Variants in ZNF714 observed in about 807,000 individuals in gnomAD.
ZNF714 encodes the protein zinc finger protein 714.
ZNF714 carries 32 observed loss-of-function variants against 46.2 expected under a neutral mutation model. That is an observed-to-expected ratio of 0.69 (90% CI 0.52 to 0.93). ZNF714 has a LOEUF of 0.93. ZNF714 is among the 40% of genes least tolerant of loss of function. The probability of loss-of-function intolerance (pLI) is 0.00; values close to 1 mark genes in which losing one functional copy is unlikely to be tolerated. For missense variants in ZNF714, 635 were observed against 646.3 expected, an observed-to-expected ratio of 0.98 and a Z score of 0.19; for synonymous variants, 199 against 213.1, an observed-to-expected ratio of 0.93 and a Z score of 0.58.
chr19:21,083,624 TTTAA>T (rs976246668), intron 1 of ZNF714, among the ~76,000 whole-genome samples: 1 of 152,184 alleles, frequency 6.6e-6, no homozygotes, highest in Non-Finnish European at 1.5e-5. Context: ...TATACCATAT[TTTAA>T]TTAATTATTT....
At chr19:21,116,697 T>G in intron 4 of ZNF714, 110 bp from the exon 5 acceptor site, 8 of 1,301,088 alleles carry the variant, frequency 6.1e-6, no homozygotes, top group Non-Finnish European at 8.2e-6. Context: ...GCCTGTGGTA[T>G]TTTATTATGG....
At chr19:21,094,152 G>C (rs1283810076) in intron 2 of ZNF714, among the ~76,000 whole-genome samples, 2 of 151,986 alleles carry the variant, frequency 1.3e-5, no homozygotes, top group African/African-American at 4.8e-5. Context: ...AACCACACCT[G>C]GCTAAATTTT....
rs1263900106 is a variant in ZNF714, at chr19:21,123,836, T to TTCTTTTA, written c.*5505_*5511dup. 5 of 152,334 alleles carry TTCTTTTA rather than the reference T, an allele frequency of 3.3e-5. No homozygotes were observed. Among genetic ancestry groups the TTCTTTTA allele is most frequent in the African/African-American group, 1.2e-4 (5 of 41,582 alleles). The allele number at this position is 152,334 out of a possible 1,614,324, so 9.4% of individuals were successfully genotyped here. A position where few individuals can be genotyped will look rare whatever the true frequency, so the allele number is the denominator to read the frequency against. ...AAATTTCTCTTATTTTTTATATTTT[T>TTCTTTTA]TCTTTTAGTGGGAGAAGTTTAGTCT... On this transcript the variant is annotated 3_prime_UTR_variant, in exon 5 of 5. Coordinates refer to ENST00000456283, the MANE Select transcript of ZNF714 (RefSeq NM_182515.4).
At chr19:21,111,910 C>G (rs1969457107) in intron 4 of ZNF714, among the ~76,000 whole-genome samples, 1 of 152,148 alleles carries the variant, frequency 6.6e-6, no homozygotes, top group African/African-American at 2.4e-5. Flanking sequence ...TTGAACTAGC[C>G]TTGCATCCCA....
At chr19:21,114,545 A>T (rs1599553568) in intron 4 of ZNF714, among the ~76,000 whole-genome samples, 2 of 151,706 alleles carry the variant, frequency 1.3e-5, no homozygotes, top group Admixed American at 6.6e-5. Flanking sequence ...TTGTCTTTTC[A>T]TGCGAAGTGG....
At chr19:21,096,650 A>G (rs1000772753) in intron 2 of ZNF714, among the ~76,000 whole-genome samples, 3 of 152,170 alleles carry the variant, frequency 2.0e-5, no homozygotes, top group African/African-American at 7.2e-5. Flanking sequence ...AATTCCTACC[A>G]TGAATTTATG....
intron 4 of ZNF714, among the ~76,000 whole-genome samples, chr19:21,100,572 G>A (rs1969154212): frequency 6.6e-6 from 1 of 151,894 alleles, no homozygotes; most frequent in African/African-American, 2.4e-5. Flanking sequence ...GGTTAAATTG[G>A]TTTTCAGAAA....
At position 21,098,223 on chromosome 19, in the gene ZNF714, T is replaced by C. The variant is rs1969089542; in HGVS notation, c.-46T>C. On this transcript the variant is annotated 5_prime_UTR_variant, in exon 3 of 5. Coordinates refer to ENST00000456283, the MANE Select transcript of ZNF714 (RefSeq NM_182515.4). ...TTAGGGATGTGGCCATAGAATTCTCTCTGGAGGAGTGGGAATGCCTGAACC... is the reference window on the plus strand; with the variant it reads ...TTAGGGATGTGGCCATAGAATTCTCCCTGGAGGAGTGGGAATGCCTGAACC... The C allele has an allele frequency of 6.2e-7, 1 of 1,612,782 alleles. No homozygotes were observed. Among genetic ancestry groups the C allele is most frequent in the Non-Finnish European group, 8.5e-7 (1 of 1,179,760 alleles).
intron 2 of ZNF714, among the ~76,000 whole-genome samples, chr19:21,093,599 A>G (rs1456316345): frequency 6.6e-6 from 1 of 151,752 alleles, no homozygotes; most frequent in Non-Finnish European, 1.5e-5. Flanking sequence ...TTTACATACC[A>G]TACTTTGTTT....
Position 21,118,117 on chromosome 19 carries a change from G to C in ZNF714, c.1453G>C (p.Glu485Gln). Residue 485 changes from glutamate to glutamine, a missense_variant, in exon 5 of 5, where the codon GAA (glutamate) becomes CAA (glutamine). Glu to Gln is a conservative substitution (Grantham distance 29, BLOSUM62 2). Transcript: ENST00000456283. ...TGGAGAGAAATCTTACAAATGTGAA[G>C]AATGTGGTAAAGCCTTTAACCAATC... ...HTGEKSYKCE[E>Q]CGKAFNQSST... The C allele has an allele frequency of 6.2e-7, 1 of 1,613,772 alleles. No individual in the cohort carries two copies. Among genetic ancestry groups the C allele is most frequent in the Non-Finnish European group, 8.5e-7 (1 of 1,179,798 alleles).
intron 4 of ZNF714, among the ~76,000 whole-genome samples, chr19:21,115,651 A>C (rs937859447): frequency 2.0e-5 from 3 of 151,846 alleles, no homozygotes; most frequent in African/African-American, 2.4e-5. Flanking sequence ...CTTGTAAATG[A>C]CATGCCATTT....
intron 4 of ZNF714, among the ~76,000 whole-genome samples, chr19:21,109,795 T>C (rs1969408717): frequency 1.3e-5 from 2 of 151,744 alleles, no homozygotes; most frequent in Admixed American, 1.3e-4. Flanking sequence ...CCCCCATATG[T>C]CATGTGTTCT....
At chr19:21,082,470 T>C (rs1968675697) in intron 1 of ZNF714, 122 bp downstream of exon 1, 1 of 1,012,276 alleles carries the variant, frequency 9.9e-7, no homozygotes, top group African/African-American at 1.6e-5. Flanking sequence ...CCCGGAGTTC[T>C]CCTTGCTCAG....
Position 21,117,690 on chromosome 19 carries a change from A to T in ZNF714, c.1026A>T (p.Lys342Asn). 1 of 1,613,518 alleles carries T rather than the reference A, an allele frequency of 6.2e-7. No homozygotes were observed. The highest frequency in any genetic ancestry group is 8.5e-7 in the Non-Finnish European group (1 of 1,179,730). The change falls in exon 5 of 5, where the codon AAA (lysine) becomes AAT (asparagine). Residue 342 changes from lysine to asparagine, a missense_variant. Transcript: ENST00000456283. ...TTCATACTGGAGAGAAACCCTACAA[A>T]TGTGAAGAATGTGGCAAAGCCTTTA... is the stretch of plus-strand genomic sequence containing the variant. Reference protein sequence around the residue: ...KRIHTGEKPYKCEECGKAFNV... With the variant: ...KRIHTGEKPYNCEECGKAFNV...
In ZNF714 at chr19:21,106,210, G is replaced by A. The variant is rs1334743146; in HGVS notation, c.142+7300G>A. On this transcript the variant is annotated intron_variant, in intron 4 of 4. Transcript: ENST00000456283. ...GCAGAGATTTCAGTGAGCCGAGGTC[G>A]CACCACTGCACTCCAGTCTGGGCAA... Among the ~76,000 whole-genome samples the A allele has an allele frequency of 2.0e-5, 3 of 151,330 alleles. No homozygotes were observed. The East Asian group carries it at 5.9e-4, about 30-fold the overall frequency.
intron 2 of ZNF714, among the ~76,000 whole-genome samples, chr19:21,092,972 C>T (rs978326476): frequency 1.5e-5 from 2 of 129,532 alleles, no homozygotes; most frequent in Non-Finnish European, 3.1e-5. Flanking sequence ...TGCAGTGGTG[C>T]GATCTCGGCT....
At chr19:21,112,279 G>A (rs554582410) in intron 4 of ZNF714, among the ~76,000 whole-genome samples, 1 of 152,268 alleles carries the variant, frequency 6.6e-6, no homozygotes, top group South Asian at 2.1e-4. Flanking sequence ...ACTTGTTATA[G>A]GTCTATTCAG....
Position 21,122,240 on chromosome 19 carries a change from T to A in ZNF714, c.*3908T>A, listed in dbSNP as rs1680564695. The A allele has an allele frequency of 6.6e-6, 1 of 152,230 alleles. No homozygotes were observed. The highest frequency in any genetic ancestry group is 2.4e-5 in the African/African-American group (1 of 41,452). 9.4% of individuals were successfully genotyped at this position (152,230 alleles called of 1,614,324 possible). ...ATGCTCCATAATAATTCACAAATAT[T>A]CCTGCTGGAGTTAGTTTGTAATTTC... On this transcript the variant is annotated 3_prime_UTR_variant, in exon 5 of 5. Transcript: ENST00000456283.
rs1969699411 is a variant in ZNF714 at position 21,121,229 on chromosome 19, C to T, written c.*2897C>T. The T allele has an allele frequency of 1.3e-5, 2 of 152,146 alleles. No homozygotes were observed. The highest frequency in any genetic ancestry group is 6.6e-5 in the Admixed American group (1 of 15,254). The allele number at this position is 152,146 out of a possible 1,614,324, so 9.4% of individuals were successfully genotyped here. A position where few individuals can be genotyped will look rare whatever the true frequency, so the allele number is the denominator to read the frequency against. On this transcript the variant is annotated 3_prime_UTR_variant, in exon 5 of 5. Transcript: ENST00000456283. ...TGTATTTTTAGTAGAGATGGGGTTT[C>T]ACCATGTTAGCCAGGATGGTCTCAA...
Sources: allele counts gnomAD v4.1 joint callset (sites outside exome capture counted in the v4.1 genomes callset), GRCh38; gene constraint gnomAD v4.1.1; transcripts MANE v1.5; gene names NCBI Gene and HGNC (gene_info 2026-07-23, HGNC 2026-07-21).